NRP1: variants seen among roughly 807,000 people sequenced by gnomAD.
NRP1 encodes the protein neuropilin 1.
In NRP1, 35 loss-of-function variants were observed where a neutral mutation model predicts 106.7. That is an observed-to-expected ratio of 0.33 (90% CI 0.25 to 0.43). The LOEUF (loss-of-function observed/expected upper bound fraction) is 0.43. Ranked by LOEUF, NRP1 falls within the 20% of genes least tolerant of loss-of-function variation. The pLI, the probability that NRP1 is intolerant of heterozygous loss-of-function variation, is 1.00. For synonymous variants in NRP1, 437 were observed against 417.9 expected (o/e 1.05, Z -0.56); for missense variants, 1,024 against 1,170.4 (o/e 0.87, Z 1.83).
chr10:33,261,082 G>A (rs79253783), intron 4 of NRP1, among the ~76,000 whole-genome samples: 1 of 151,330 alleles, frequency 6.6e-6, no homozygotes, highest in East Asian at 1.9e-4. Context: ...AATGAGGCCA[G>A]GTAAATATTA....
intron 2 of NRP1, among the ~76,000 whole-genome samples, chr10:33,304,450 C>T (rs1846007801): frequency 6.6e-6 from 1 of 152,164 alleles, no homozygotes; most frequent in Non-Finnish European, 1.5e-5. Context: ...ATAGACCCCT[C>T]TTTCAAGGGT....
At chr10:33,205,462 A>T (rs989707985) in intron 10 of NRP1, 1 of 152,212 alleles carries the variant, frequency 6.6e-6, no homozygotes, top group African/African-American at 2.4e-5. Context: ...ATAGAGAAAG[A>T]GTTTAATTCA....
At chr10:33,262,197 C>G (rs183816381) in intron 4 of NRP1, among the ~76,000 whole-genome samples, 1 of 152,290 alleles carries the variant, frequency 6.6e-6, no homozygotes, top group African/African-American at 2.4e-5. Flanking sequence ...CTAGAGAAAT[C>G]TTAATATTAA....
intron 9 of NRP1, 73 bp downstream of exon 9, chr10:33,213,313 G>C (rs1838465493): frequency 1.2e-6 from 2 of 1,614,062 alleles, no homozygotes; most frequent in Middle Eastern, 1.7e-4. Flanking sequence ...GCCCTTCCTC[G>C]GGAGAATGCC....
intron 2 of NRP1, among the ~76,000 whole-genome samples, chr10:33,311,102 T>C (rs1846578238): frequency 1.3e-5 from 2 of 152,170 alleles, no homozygotes. Context: ...ACATCTAAGT[T>C]AGAGCTAGCA....
At chr10:33,244,364 C>T (rs1841259914) in intron 6 of NRP1, among the ~76,000 whole-genome samples, 1 of 152,150 alleles carries the variant, frequency 6.6e-6, no homozygotes, top group Non-Finnish European at 1.5e-5. Context: ...GCAATTATTA[C>T]CGCTGGGACA....
chr10:33,237,187 G>A (rs991901575), intron 6 of NRP1, among the ~76,000 whole-genome samples: 7 of 152,024 alleles, frequency 4.6e-5, no homozygotes, highest in East Asian at 1.9e-4. Context: ...AAAGCATTTC[G>A]TCCATTAAAT....
intron 2 of NRP1, among the ~76,000 whole-genome samples, chr10:33,278,020 C>G (rs1210432623): frequency 1.3e-5 from 2 of 152,182 alleles, no homozygotes; most frequent in African/African-American, 4.8e-5. Context: ...GTAGTCCTTT[C>G]AATACACCCC....
chr10:33,248,154 G>A (rs1841563191), intron 6 of NRP1, among the ~76,000 whole-genome samples: 2 of 152,166 alleles, frequency 1.3e-5, no homozygotes, highest in African/African-American at 4.8e-5. Flanking sequence ...CCTGGGCTTG[G>A]TGGCACACGC....
In NRP1 at chr10:33,272,946, T is replaced by A. The variant is rs913023448; in HGVS notation, c.249-2090A>T. ...CTGTTGAGGATACGTTCCTCTCAGG[T>A]AGCAGAGAACTCAGCTAATATAGTG... On this transcript the variant is annotated intron_variant, in intron 2 of 16. Transcript: ENST00000374867. 7.9e-5 allele frequency among the ~76,000 whole-genome samples: 12 copies of A among 152,076 alleles called. 1 individual carries two copies. Among genetic ancestry groups the A allele is most frequent in the Admixed American group, 6.5e-4 (10 of 15,276 alleles).
chr10:33,247,990 T>A (rs1360462033), intron 6 of NRP1, among the ~76,000 whole-genome samples: 1 of 152,142 alleles, frequency 6.6e-6, no homozygotes, highest in African/African-American at 2.4e-5. Flanking sequence ...ATAGGACGTA[T>A]ATAAAAAGTG....
intron 8 of NRP1, among the ~76,000 whole-genome samples, chr10:33,221,016 A>G (rs1486285743): frequency 6.6e-6 from 1 of 151,952 alleles, no homozygotes; most frequent in African/African-American, 2.4e-5. Flanking sequence ...GGATAGCTTG[A>G]GTCCAGGAGT....
At chr10:33,284,694 T>G (rs1267251758) in intron 2 of NRP1, among the ~76,000 whole-genome samples, 1 of 152,248 alleles carries the variant, frequency 6.6e-6, no homozygotes, top group Non-Finnish European at 1.5e-5. Context: ...AAATTTTTTT[T>G]GATAGTAATT....
chr10:33,230,549 A>G (rs1277242473), intron 6 of NRP1, among the ~76,000 whole-genome samples: 1 of 152,072 alleles, frequency 6.6e-6, no homozygotes, highest in Non-Finnish European at 1.5e-5. Flanking sequence ...AAATTTGCAT[A>G]AACACATCTT....
At chr10:33,223,534 G>C (rs1010784961) in intron 7 of NRP1, among the ~76,000 whole-genome samples, 9 of 152,038 alleles carry the variant, frequency 5.9e-5, no homozygotes, top group Non-Finnish European at 1.0e-4. Context: ...AGATTTAGCT[G>C]GGAGGATGGC....
intron 9 of NRP1, among the ~76,000 whole-genome samples, chr10:33,210,284 A>G (rs1235501528): frequency 1.3e-5 from 2 of 151,980 alleles, no homozygotes; most frequent in East Asian, 1.9e-4. Flanking sequence ...TCTGACACAT[A>G]TTATTGTGAG....
chr10:33,289,929 A>T (rs1432684146), intron 2 of NRP1, among the ~76,000 whole-genome samples: 1 of 152,228 alleles, frequency 6.6e-6, no homozygotes, highest in Non-Finnish European at 1.5e-5. Context: ...TTGTTCCTTC[A>T]TTTGAATTTC....
At chr10:33,253,086 C>T (rs1171316233) in intron 6 of NRP1, among the ~76,000 whole-genome samples, 2 of 150,926 alleles carry the variant, frequency 1.3e-5, no homozygotes, top group Admixed American at 6.6e-5. Context: ...TGACTATTCT[C>T]CTGAAAAGGA....
intron 3 of NRP1, among the ~76,000 whole-genome samples, chr10:33,265,862 T>C (rs992482346): frequency 1.2e-4 from 19 of 152,204 alleles, no homozygotes; most frequent in African/African-American, 4.3e-4. Flanking sequence ...ATAATCTTAG[T>C]TTCTAAATTA....
Sources: gnomAD v4.1 joint callset for allele counts (sites outside exome capture counted in the v4.1 genomes callset) on GRCh38, gnomAD v4.1.1 for gene constraint, MANE v1.5 for transcripts, NCBI Gene and HGNC (gene_info 2026-07-23, HGNC 2026-07-21) for gene names.